The following TEX44 variants were observed in gnomAD, a reference collection of about 807,000 sequenced individuals.
The protein encoded by TEX44 is testis-expressed protein 44.
For missense variants in TEX44, 487 were observed against 509.6 expected (o/e 0.96, Z 0.43); for synonymous variants, 196 against 205.9 (o/e 0.95, Z 0.41).
At position 231,594,183 on chromosome 2, in the gene TEX44, A is replaced by G. The variant is rs1419637543; in HGVS notation, c.*44A>G. On this transcript the variant is annotated 3_prime_UTR_variant, in exon 1 of 1. Transcript: ENST00000313965. ...CCGAAGGGCTGGTTCAGTGGCCTCC[A>G]GAGATCCCTGGGACCCTCACGCCCT... 1 of 1,540,720 alleles carries G rather than the reference A, an allele frequency of 6.5e-7. No individual in the cohort carries two copies. The highest frequency in any genetic ancestry group is 8.9e-7 in the Non-Finnish European group (1 of 1,127,674).
Position 231,593,297 on chromosome 2 carries a change from A to G in TEX44, c.346A>G (p.Arg116Gly). ...GTGGGACAGGCAGGTTCAAGACGCAAGGACAAGTCAGAGTCTAGTGGTTTT... is the reference window on the plus strand; with the variant it reads ...GTGGGACAGGCAGGTTCAAGACGCAGGGACAAGTCAGAGTCTAGTGGTTTT... ...PAWDRQVQDA[R>G]TSQSLVVFPS... Residue 116 changes from arginine to glycine, a missense_variant, in exon 1 of 1, where the codon AGG (arginine) becomes GGG (glycine). Transcript: ENST00000313965. 1 of 1,614,246 alleles carries G rather than the reference A, an allele frequency of 6.2e-7. No individual in the cohort carries two copies. The highest frequency in any genetic ancestry group is 8.5e-7 in the Non-Finnish European group (1 of 1,180,046).
At position 231,593,889 on chromosome 2, in the gene TEX44, G is replaced by C; in HGVS notation, c.938G>C (p.Gly313Ala). The change falls in exon 1 of 1, where the codon GGC (glycine) becomes GCC (alanine). Residue 313 changes from glycine to alanine, a missense_variant. Coordinates refer to ENST00000313965, the MANE Select transcript of TEX44 (RefSeq NM_152614.3). ...ATAGCCACAGGCTTCCTGGATTCCG[G>C]CCACAGCACTGTGGCAGACCTGCTG... ...MAIATGFLDS[G>A]HSTVADLLHS... 1 of 1,610,038 alleles carries C rather than the reference G, an allele frequency of 6.2e-7. No individual in the cohort carries two copies. Among genetic ancestry groups the C allele is most frequent in the Non-Finnish European group, 8.5e-7 (1 of 1,180,010 alleles).
rs201807756 is a variant in TEX44 at position 231,594,014 on chromosome 2, C to A, written c.1063C>A (p.Arg355Ser). 3.7e-6 allele frequency: 6 copies of A among 1,611,602 alleles called. No homozygotes were observed. Among genetic ancestry groups the A allele is most frequent in the African/African-American group, 1.3e-5 (1 of 74,934 alleles). Residue 355 changes from arginine (R) to serine (S), a missense_variant, in exon 1 of 1, where the codon CGC becomes AGC. Physicochemically the swap from Arg to Ser is moderately radical, Grantham distance 110. Transcript: ENST00000313965. The part of the protein sequence containing the change: ...GLVSGTSSAL[R>S]TITRVLETVE... ...GGTGTCAGGGACCAGCTCAGCCCTGCGCACCATCACCCGTGTGCTGGAGAC... is the reference window on the plus strand; with the variant it reads ...GGTGTCAGGGACCAGCTCAGCCCTGAGCACCATCACCCGTGTGCTGGAGAC...
Position 231,594,219 on chromosome 2 carries a change from C to A in TEX44, c.*80C>A. On this transcript the variant is annotated 3_prime_UTR_variant, in exon 1 of 1. Transcript: ENST00000313965. ...GGACCCTCACGCCCTGCTCCCTTGC[C>A]CATTCTTGCTCTGGACGGTTCCCCC... is the stretch of plus-strand genomic sequence containing the variant. 1 of 1,231,388 alleles carries A rather than the reference C, an allele frequency of 8.1e-7. No individual in the cohort carries two copies. The highest frequency in any genetic ancestry group is 1.4e-5 in the South Asian group (1 of 70,214). The allele number at this position is 1,231,388 out of a possible 1,614,324, so 76.3% of individuals were successfully genotyped here. A position where few individuals can be genotyped will look rare whatever the true frequency, so the allele number is the denominator to read the frequency against.
rs1307115806 is a variant in TEX44, at chr2:231,593,590, T to G, written c.639T>G (p.Asp213Glu). 5 of 1,613,948 alleles carry G rather than the reference T, an allele frequency of 3.1e-6. No individual in the cohort carries two copies. The highest frequency in any genetic ancestry group is 4.2e-6 in the Non-Finnish European group (5 of 1,180,038). The change falls in exon 1 of 1, where the codon GAT becomes GAG. Residue 213 changes from aspartate (D) to glutamate (E), a missense_variant. Asp to Glu is a conservative substitution (Grantham distance 45, BLOSUM62 2). Transcript: ENST00000313965. Reference sequence around the variant, plus strand: ...CTGAAGCTGAAGCTTTACCATCTGATGAGTCCCCAGTGGCAATGGGGGCAA... The same window carrying G: ...CTGAAGCTGAAGCTTTACCATCTGAGGAGTCCCCAGTGGCAATGGGGGCAA... Reference protein sequence around the residue: ...PHPEAEALPSDESPVAMGANV... With the variant: ...PHPEAEALPSEESPVAMGANV...
Position 231,593,796 on chromosome 2 carries a change from G to A in TEX44, c.845G>A (p.Arg282Lys). 1 of 1,612,032 alleles carries A rather than the reference G, an allele frequency of 6.2e-7. No homozygotes were observed. Among genetic ancestry groups the A allele is most frequent in the Non-Finnish European group, 8.5e-7 (1 of 1,180,004 alleles). Residue 282 changes from arginine (R) to lysine (K), a missense_variant, in exon 1 of 1, where the codon AGG becomes AAG. By Grantham distance (26) the Arg-to-Lys change is conservative. Coordinates refer to ENST00000313965, the MANE Select transcript of TEX44 (RefSeq NM_152614.3). ...CGCTCCATGACCAGCCTGCTGGACA[G>A]GGGCGAGGGCTCCATCAGCTCCCTG... ...YMRSMTSLLD[R>K]GEGSISSLAD...
chr2:231,593,195 C>A lies in TEX44; in HGVS notation c.244C>A (p.Pro82Thr). The A allele has an allele frequency of 6.2e-7, 1 of 1,614,140 alleles. No individual in the cohort carries two copies. Among genetic ancestry groups the A allele is most frequent in the South Asian group, 1.1e-5 (1 of 91,088 alleles). ...AVVPEHGQKTPRKITPLLPSQ... is the reference protein window; with the variant it reads ...AVVPEHGQKTTRKITPLLPSQ... ...TGTTCCAGAACACGGCCAGAAGACA[C>A]CCAGAAAAATCACACCTCTGCTTCC... The change falls in exon 1 of 1, where the codon CCC becomes ACC. Residue 82 changes from proline to threonine, a missense_variant. Physicochemically the swap from Pro to Thr is conservative, Grantham distance 38. Coordinates refer to ENST00000313965, the MANE Select transcript of TEX44 (RefSeq NM_152614.3).
At position 231,593,463 on chromosome 2, in the gene TEX44, C is replaced by G; in HGVS notation, c.512C>G (p.Ala171Gly). The G allele has an allele frequency of 6.2e-7, 1 of 1,614,206 alleles. No individual in the cohort carries two copies. The highest frequency in any genetic ancestry group is 8.5e-7 in the Non-Finnish European group (1 of 1,180,046). ...GAGGCTCAGCCCGTCGAGAGTGATG[C>G]TGACCATGTCACAGCAGGTGCCAAT... Reference protein sequence around the residue: ...HMEAQPVESDADHVTAGANGQ... With the variant: ...HMEAQPVESDGDHVTAGANGQ... Residue 171 changes from alanine (A) to glycine (G), a missense_variant, in exon 1 of 1, where the codon GCT (alanine) becomes GGT (glycine). Physicochemically the swap from Ala to Gly is moderately conservative, Grantham distance 60 (BLOSUM62 0). Coordinates refer to ENST00000313965, the MANE Select transcript of TEX44 (RefSeq NM_152614.3).
Position 231,594,221 on chromosome 2 carries a change from A to T in TEX44, c.*82A>T. 2.5e-6 allele frequency: 3 copies of T among 1,212,676 alleles called. No homozygotes were observed. Among genetic ancestry groups the T allele is most frequent in the Non-Finnish European group, 3.5e-6 (3 of 864,428 alleles). 75.1% of individuals were successfully genotyped at this position (1,212,676 alleles called of 1,614,324 possible). ...ACCCTCACGCCCTGCTCCCTTGCCCATTCTTGCTCTGGACGGTTCCCCCAG... is the reference window on the plus strand; with the variant it reads ...ACCCTCACGCCCTGCTCCCTTGCCCTTTCTTGCTCTGGACGGTTCCCCCAG... On this transcript the variant is annotated 3_prime_UTR_variant, in exon 1 of 1. Transcript: ENST00000313965.
chr2:231,594,195 G>A lies in TEX44; in HGVS notation c.*56G>A. 6.8e-7 allele frequency: 1 copy of A among 1,461,540 alleles called. No individual in the cohort carries two copies. The highest frequency in any genetic ancestry group is 9.4e-7 in the Non-Finnish European group (1 of 1,065,602). 90.5% of individuals were successfully genotyped at this position (1,461,540 alleles called of 1,614,324 possible). A position where few individuals can be genotyped will look rare whatever the true frequency, so the allele number is the denominator to read the frequency against. ...TTCAGTGGCCTCCAGAGATCCCTGG[G>A]ACCCTCACGCCCTGCTCCCTTGCCC... is the stretch of plus-strand genomic sequence containing the variant. On this transcript the variant is annotated 3_prime_UTR_variant, in exon 1 of 1. Coordinates refer to ENST00000313965, the MANE Select transcript of TEX44 (RefSeq NM_152614.3).
At position 231,593,974 on chromosome 2, in the gene TEX44, C is replaced by T; in HGVS notation, c.1023C>T (p.Ala341=). ...VPSLVGSVSS[A]FSSGLVSGTS... is the part of the protein sequence containing the mutation. ...GCCTGGTGGGAAGCGTCAGCTCGGC[C>T]TTCTCCTCTGGGCTGGTGTCAGGGA... The change falls in exon 1 of 1, where the codon GCC becomes GCT. Residue 341 remains alanine, a synonymous_variant. Coordinates refer to ENST00000313965, the MANE Select transcript of TEX44 (RefSeq NM_152614.3). 6.2e-7 allele frequency: 1 copy of T among 1,610,390 alleles called. No individual in the cohort carries two copies. Among genetic ancestry groups the T allele is most frequent in the Non-Finnish European group, 8.5e-7 (1 of 1,179,998 alleles).
rs1440420071 is a variant in TEX44, at chr2:231,593,060, G to C, written c.109G>C (p.Val37Leu). Residue 37 changes from valine to leucine, a missense_variant, in exon 1 of 1, where the codon GTG becomes CTG. By Grantham distance (32) the Val-to-Leu change is conservative. Coordinates refer to ENST00000313965, the MANE Select transcript of TEX44 (RefSeq NM_152614.3). Reference sequence around the variant, plus strand: ...CCCACTCACAGCAGATGTCTTGGCAGTGAGCAGCTCTGTCGCATCCACTGA... The same window carrying C: ...CCCACTCACAGCAGATGTCTTGGCACTGAGCAGCTCTGTCGCATCCACTGA... ...QVPLTADVLA[V>L]SSSVASTDWQ... The C allele has an allele frequency of 6.2e-7, 1 of 1,614,064 alleles. No homozygotes were observed. Among genetic ancestry groups the C allele is most frequent in the African/African-American group, 1.3e-5 (1 of 74,918 alleles).
chr2:231,594,250 A>G lies in TEX44; in HGVS notation c.*111A>G. The G allele has an allele frequency of 1.1e-6, 1 of 878,302 alleles. No homozygotes were observed. Among genetic ancestry groups the G allele is most frequent in the Non-Finnish European group, 1.7e-6 (1 of 574,174 alleles). 54.4% of individuals were successfully genotyped at this position (878,302 alleles called of 1,614,324 possible). On this transcript the variant is annotated 3_prime_UTR_variant, in exon 1 of 1. Coordinates refer to ENST00000313965, the MANE Select transcript of TEX44 (RefSeq NM_152614.3). Reference sequence around the variant, plus strand: ...TTGCTCTGGACGGTTCCCCCAGCCCATGCAATAAATCACCAGTGAGCATTT... The same window carrying G: ...TTGCTCTGGACGGTTCCCCCAGCCCGTGCAATAAATCACCAGTGAGCATTT...
Position 231,593,208 on chromosome 2 carries a change from C to A in TEX44, c.257C>A (p.Thr86Lys). 6.2e-7 allele frequency: 1 copy of A among 1,614,154 alleles called. No homozygotes were observed. Among genetic ancestry groups the A allele is most frequent in the Non-Finnish European group, 8.5e-7 (1 of 1,180,032 alleles). Residue 86 changes from threonine (T) to lysine (K), a missense_variant, in exon 1 of 1, where the codon ACA becomes AAA. Transcript: ENST00000313965. The part of the protein sequence containing the change: ...EHGQKTPRKI[T>K]PLLPSQNPSP... ...GGCCAGAAGACACCCAGAAAAATCA[C>A]ACCTCTGCTTCCCAGCCAAAATCCA...
chr2:231,594,001 C>A lies in TEX44; in HGVS notation c.1050C>A (p.Thr350=). 1 of 1,611,192 alleles carries A rather than the reference C, an allele frequency of 6.2e-7. No homozygotes were observed. Among genetic ancestry groups the A allele is most frequent in the Non-Finnish European group, 8.5e-7 (1 of 1,179,996 alleles). ...SAFSSGLVSG[T]SSALRTITRV... The stretch of plus-strand genomic sequence containing the variant: ...TCTCCTCTGGGCTGGTGTCAGGGAC[C>A]AGCTCAGCCCTGCGCACCATCACCC... Residue 350 remains threonine (T), a synonymous_variant, in exon 1 of 1, where the codon ACC becomes ACA. Transcript: ENST00000313965.
chr2:231,593,096 A>G lies in TEX44; in HGVS notation c.145A>G (p.Ile49Val). Residue 49 changes from isoleucine (I) to valine (V), a missense_variant, in exon 1 of 1, where the codon ATA becomes GTA. Transcript: ENST00000313965. The stretch of plus-strand genomic sequence containing the variant: ...TGTCGCATCCACTGACTGGCAGGAT[A>G]TAGATCAGGCCTCCTTCAAGACGGC... ...SSVASTDWQD[I>V]DQASFKTATP... The G allele has an allele frequency of 6.2e-7, 1 of 1,614,166 alleles. No individual in the cohort carries two copies. The highest frequency in any genetic ancestry group is 8.5e-7 in the Non-Finnish European group (1 of 1,180,024).
At position 231,592,927 on chromosome 2, in the gene TEX44, G is replaced by T; in HGVS notation, c.-25G>T. 6.3e-7 allele frequency: 1 copy of T among 1,579,980 alleles called. No individual in the cohort carries two copies. Reference sequence around the variant, plus strand: ...GACCACAGGAGAGCCCTAGGGGGAGGCCGGCTCCACCAGCAGCCCCATACA... The same window carrying T: ...GACCACAGGAGAGCCCTAGGGGGAGTCCGGCTCCACCAGCAGCCCCATACA... On this transcript the variant is annotated 5_prime_UTR_variant, in exon 1 of 1. Transcript: ENST00000313965.
rs2047775233 is a variant in TEX44 at position 231,593,389 on chromosome 2, G to A, written c.438G>A (p.Glu146=). Residue 146 remains glutamate (E), a synonymous_variant, in exon 1 of 1, where the codon GAG becomes GAA. Transcript: ENST00000313965. The part of the protein sequence containing the change: ...QMASVPEREP[E]SAPSAPSAEL... ...CGAGTGTTCCTGAGAGAGAGCCGGAGTCAGCCCCCTCTGCCCCGAGTGCTG... is the reference window on the plus strand; with the variant it reads ...CGAGTGTTCCTGAGAGAGAGCCGGAATCAGCCCCCTCTGCCCCGAGTGCTG... 6.2e-7 allele frequency: 1 copy of A among 1,614,122 alleles called. No homozygotes were observed. Among genetic ancestry groups the A allele is most frequent in the Non-Finnish European group, 8.5e-7 (1 of 1,180,054 alleles).
Position 231,594,001 on chromosome 2 carries a change from C to T in TEX44, c.1050C>T (p.Thr350=), listed in dbSNP as rs376770220. 39 of 1,611,074 alleles carry T rather than the reference C, an allele frequency of 2.4e-5. No individual in the cohort carries two copies. Among genetic ancestry groups the T allele is most frequent in the Non-Finnish European group, 3.0e-5 (35 of 1,180,004 alleles). ...SAFSSGLVSG[T]SSALRTITRV... ...TCTCCTCTGGGCTGGTGTCAGGGAC[C>T]AGCTCAGCCCTGCGCACCATCACCC... Residue 350 remains threonine (T), a synonymous_variant, in exon 1 of 1, where the codon ACC becomes ACT. Coordinates refer to ENST00000313965, the MANE Select transcript of TEX44 (RefSeq NM_152614.3).
Sources: gnomAD v4.1 joint callset for allele counts on GRCh38, gnomAD v4.1.1 for gene constraint, MANE v1.5 for transcripts, NCBI Gene and HGNC (gene_info 2026-07-23, HGNC 2026-07-21) for gene names.